NTRK2: variants seen among roughly 807,000 people sequenced by gnomAD.
NTRK2 encodes the protein BDNF/NT-3 growth factors receptor.
In NTRK2, 13 loss-of-function variants were observed where a neutral mutation model predicts 94.5. The ratio of observed to expected loss-of-function variants is 0.14; its 90% confidence interval spans 0.09 to 0.22. The LOEUF is 0.22. Ranked by LOEUF, NTRK2 falls within the 10% of genes least tolerant of loss-of-function variation. The pLI is 1.00. For synonymous variants in NTRK2, 372 were observed against 407.4 expected, an observed-to-expected ratio of 0.91 and a Z score of 1.05; for missense variants, 639 against 1,071.2, an observed-to-expected ratio of 0.60 and a Z score of 5.63.
chr9:84,942,186 G>A (rs1012179838), intron 15 of NTRK2, among the ~76,000 whole-genome samples: 1 of 152,104 alleles, frequency 6.6e-6, no homozygotes, highest in Admixed American at 6.5e-5. Context: ...CATTTGTAGG[G>A]ATGTTGGGAA....
At chr9:84,935,814 G>T (rs1564479881) in intron 15 of NTRK2, among the ~76,000 whole-genome samples, 1 of 152,180 alleles carries the variant, frequency 6.6e-6, no homozygotes, top group Non-Finnish European at 1.5e-5. Flanking sequence ...AGAACATTTG[G>T]CAGTGTTAAA....
chr9:85,004,053 G>GAAAGAAAGAAAGAA (rs1316613240), intron 17 of NTRK2, among the ~76,000 whole-genome samples: 3 of 64,898 alleles, frequency 4.6e-5, no homozygotes, highest in East Asian at 2.8e-4. Flanking sequence ...AAGGGAGAAA[G>GAAAGAAAGAAAGAA]AGAAAGAAAG....
intron 17 of NTRK2, among the ~76,000 whole-genome samples, chr9:84,956,401 T>C (rs1456971729): frequency 6.6e-6 from 1 of 152,184 alleles, no homozygotes; most frequent in Admixed American, 6.5e-5. Flanking sequence ...AACTGAGATT[T>C]TGGAACTCGG....
At chr9:84,674,910 A>G (rs1342831177) in intron 2 of NTRK2, among the ~76,000 whole-genome samples, 1 of 152,182 alleles carries the variant, frequency 6.6e-6, no homozygotes. Context: ...TTATTTATAC[A>G]GGAAAATGGG....
chr9:84,723,583 T>G lies in NTRK2; in HGVS notation c.594T>G (p.Ser198=). Residue 198 remains serine, a synonymous_variant, in exon 7 of 19, where the codon TCT becomes TCG. Transcript: ENST00000277120. ...NLQIPNCGLP[S]ANLAAPNLTV... is the part of the protein sequence containing the mutation. ...TTTCTTGTTCCATAGGTTTGCCATC[T>G]GCAAATCTGGCCGCACCTAACCTCA... 6.2e-7 allele frequency: 1 copy of G among 1,614,172 alleles called. No homozygotes were observed. Among genetic ancestry groups the G allele is most frequent in the Non-Finnish European group, 8.5e-7 (1 of 1,179,976 alleles).
Position 84,828,995 on chromosome 9 carries a change from T to G in NTRK2, c.1397-32045T>G, listed in dbSNP as rs563543624. On this transcript the variant is annotated intron_variant, in intron 12 of 18. Coordinates refer to ENST00000277120, the MANE Select transcript of NTRK2 (RefSeq NM_006180.6). ...CCAGAAATCTATGGTGTTTTTTTTTTGTTGTTTGTTTGTTTGTTTTGAGAT... is the reference window on the plus strand; with the variant it reads ...CCAGAAATCTATGGTGTTTTTTTTTGGTTGTTTGTTTGTTTGTTTTGAGAT... 3.5e-3 allele frequency among the ~76,000 whole-genome samples: 474 copies of G among 135,096 alleles called. 3 individuals carry two copies. The highest frequency in any genetic ancestry group is 0.013 in the African/African-American group (433 of 34,238). The allele number at this position is 135,096 out of a possible 152,430, so 88.6% of individuals were successfully genotyped here.
intron 12 of NTRK2, among the ~76,000 whole-genome samples, chr9:84,802,742 A>G (rs1036420958): frequency 3.3e-5 from 5 of 152,156 alleles, no homozygotes; most frequent in Non-Finnish European, 5.9e-5. Flanking sequence ...AGATAGAGTA[A>G]GCTCTCTGTT....
At chr9:84,798,540 C>G (rs1223424872) in intron 12 of NTRK2, among the ~76,000 whole-genome samples, 3 of 152,162 alleles carry the variant, frequency 2.0e-5, no homozygotes, top group Admixed American at 1.3e-4. Context: ...GAGCAAGTTA[C>G]TTAACCTCTC....
intron 12 of NTRK2, among the ~76,000 whole-genome samples, chr9:84,782,037 AACACACACACACACAC>A (rs58851217): frequency 2.0e-5 from 3 of 149,550 alleles, no homozygotes; most frequent in Non-Finnish European, 4.4e-5. Context: ...CCTCCAAGAA[AACACACACACACACAC>A]ACACACACAC....
At chr9:84,992,937 T>A (rs1829274327) in intron 17 of NTRK2, among the ~76,000 whole-genome samples, 1 of 114,630 alleles carries the variant, frequency 8.7e-6, no homozygotes, top group South Asian at 2.6e-4. Flanking sequence ...TTTAATGTAT[T>A]ATATATATAT....
At position 84,871,551 on chromosome 9, in the gene NTRK2, A is replaced by G. The variant is rs189680204; in HGVS notation, c.1633+4120A>G. On this transcript the variant is annotated intron_variant, in intron 14 of 18. Coordinates refer to ENST00000277120, the MANE Select transcript of NTRK2 (RefSeq NM_006180.6). ...CTCAATACTTGCATAGTTTGGCTTTAAAAACAAAACAATAAACAAACATGA... is the reference window on the plus strand; with the variant it reads ...CTCAATACTTGCATAGTTTGGCTTTGAAAACAAAACAATAAACAAACATGA... Among the ~76,000 whole-genome samples, 74 of 152,340 alleles carry G rather than the reference A, an allele frequency of 4.9e-4. 1 individual carries two copies. The highest frequency in any genetic ancestry group is 1.0e-3 in the African/African-American group (42 of 41,568).
chr9:84,860,007 C>A (rs2075256190), intron 12 of NTRK2, among the ~76,000 whole-genome samples: 1 of 152,202 alleles, frequency 6.6e-6, no homozygotes, highest in Non-Finnish European at 1.5e-5. Context: ...GAAAGCCTAC[C>A]TTTACCCTTG....
At chr9:84,689,549 T>G (rs1018976181) in intron 2 of NTRK2, among the ~76,000 whole-genome samples, 1 of 152,242 alleles carries the variant, frequency 6.6e-6, no homozygotes, top group Non-Finnish European at 1.5e-5. Context: ...TAACTGTCCT[T>G]TTTATTCTTT....
chr9:84,998,795 C>T (rs1830040101), intron 17 of NTRK2, among the ~76,000 whole-genome samples: 3 of 152,218 alleles, frequency 2.0e-5, no homozygotes, highest in African/African-American at 7.2e-5. Flanking sequence ...AAATTTGATA[C>T]TGGAAGGACC....
intron 12 of NTRK2, among the ~76,000 whole-genome samples, chr9:84,755,750 T>C (rs573278605): frequency 1.6e-4 from 25 of 152,250 alleles, no homozygotes; most frequent in African/African-American, 5.8e-4. Flanking sequence ...TTTTGGAATA[T>C]GTTGTTTTTT....
intron 14 of NTRK2, chr9:84,873,547 T>C: frequency 9.5e-7 from 1 of 1,055,458 alleles, no homozygotes; most frequent in Non-Finnish European, 1.1e-6. Flanking sequence ...ATATTCCCTT[T>C]TCAACTCCAA....
intron 12 of NTRK2, among the ~76,000 whole-genome samples, chr9:84,784,786 C>G (rs891658573): frequency 6.6e-6 from 1 of 152,210 alleles, no homozygotes; most frequent in East Asian, 1.9e-4. Context: ...AATTCATGCC[C>G]ACATATGATG....
chr9:84,709,583 A>AG (rs1200213856), intron 5 of NTRK2, among the ~76,000 whole-genome samples: 2 of 152,160 alleles, frequency 1.3e-5, no homozygotes, highest in Middle Eastern at 3.2e-3. Flanking sequence ...GATCCCTGAG[A>AG]TTCTTAGAAC....
At chr9:84,978,974 G>A (rs1827251859) in intron 17 of NTRK2, among the ~76,000 whole-genome samples, 1 of 152,166 alleles carries the variant, frequency 6.6e-6, no homozygotes, top group Non-Finnish European at 1.5e-5. Flanking sequence ...GCAACATGCT[G>A]CCTGGAAAAA....
Sources: allele counts gnomAD v4.1 joint callset (sites outside exome capture counted in the v4.1 genomes callset), GRCh38; gene constraint gnomAD v4.1.1; transcripts MANE v1.5; gene names NCBI Gene and HGNC (gene_info 2026-07-23, HGNC 2026-07-21).